Variants in TMC1 observed in about 807,000 individuals in gnomAD.
TMC1 encodes the protein transmembrane channel-like protein 1.
In TMC1, 84 loss-of-function variants were observed where a neutral mutation model predicts 105.8. That is an observed-to-expected ratio of 0.79 (90% confidence interval 0.67 to 0.95). TMC1 has a LOEUF of 0.95. TMC1 is among the 40% of genes least tolerant of loss of function. TMC1 has a pLI of 0.00. For synonymous variants in TMC1, 315 were observed against 311.5 expected, an observed-to-expected ratio of 1.01 and a Z score of -0.12; for missense variants, 817 against 914.1, an observed-to-expected ratio of 0.89 and a Z score of 1.37.
intron 2 of TMC1, among the ~76,000 whole-genome samples, chr9:72,612,404 G>A (rs921938844): frequency 5.3e-5 from 8 of 151,756 alleles, no homozygotes; most frequent in Admixed American, 5.3e-4. Flanking sequence ...GAACTCCTGG[G>A]CTCAAGCAAT....
intron 8 of TMC1, among the ~76,000 whole-genome samples, chr9:72,729,635 T>C (rs1448516981): frequency 5.9e-5 from 9 of 152,098 alleles, no homozygotes; most frequent in Non-Finnish European, 1.2e-4. Context: ...AATTTAAGAG[T>C]TCTTTACCTC....
Position 72,835,163 on chromosome 9 carries a change from T to C in TMC1, c.2261-788T>C, listed in dbSNP as rs117442208. ...ATCTTCCTCCCCAACCCCCTCAAAA[T>C]TTCTTGACTGTCATGTTTGTGAAAG... is the stretch of plus-strand genomic sequence containing the variant. On this transcript the variant is annotated intron_variant, in intron 23 of 23. Transcript: ENST00000297784. Among the ~76,000 whole-genome samples the C allele has an allele frequency of 3.9e-4, 60 of 152,158 alleles. No individual in the cohort carries two copies. In the East Asian group the frequency reaches 0.011, roughly 28 times the overall value.
intron 1 of TMC1, among the ~76,000 whole-genome samples, chr9:72,572,833 A>G (rs1308697693): frequency 1.3e-5 from 2 of 152,026 alleles, no homozygotes; most frequent in Non-Finnish European, 2.9e-5. Flanking sequence ...CTCTACTAAA[A>G]GTAGAAAAAT....
chr9:72,757,612 GC>G (rs1827693779), intron 12 of TMC1, among the ~76,000 whole-genome samples: 1 of 152,180 alleles, frequency 6.6e-6, no homozygotes, highest in Non-Finnish European at 1.5e-5. Flanking sequence ...TGTACATATA[GC>G]CTGAAAGTGA....
chr9:72,766,001 A>G (rs536068965), intron 12 of TMC1, among the ~76,000 whole-genome samples: 2 of 152,344 alleles, frequency 1.3e-5, no homozygotes, highest in South Asian at 2.1e-4. Flanking sequence ...ATCCTGCCAC[A>G]TACGACCTAT....
At chr9:72,757,267 C>T (rs550478513) in intron 12 of TMC1, among the ~76,000 whole-genome samples, 12 of 152,300 alleles carry the variant, frequency 7.9e-5, no homozygotes, top group African/African-American at 2.6e-4. Context: ...ATGCAGTGAA[C>T]TGTGATTGGT....
chr9:72,533,013 A>G (rs559896982), intron 1 of TMC1, among the ~76,000 whole-genome samples: 134 of 152,334 alleles, frequency 8.8e-4, no homozygotes, highest in African/African-American at 3.2e-3. Flanking sequence ...CCATAAAATG[A>G]TGGCTTAGCA....
chr9:72,758,821 A>C (rs1442838433), intron 12 of TMC1, among the ~76,000 whole-genome samples: 1 of 152,180 alleles, frequency 6.6e-6, no homozygotes. Context: ...TTTGTGAATA[A>C]TACCAAAATT....
At chr9:72,760,893 C>T (rs773320862) in intron 12 of TMC1, among the ~76,000 whole-genome samples, 7 of 152,096 alleles carry the variant, frequency 4.6e-5, no homozygotes, top group Non-Finnish European at 8.8e-5. Context: ...CCCATGAAAG[C>T]GCAGTGCTCT....
intron 12 of TMC1, among the ~76,000 whole-genome samples, chr9:72,757,660 C>CA (rs1325956772): frequency 6.6e-6 from 1 of 152,136 alleles, no homozygotes; most frequent in Non-Finnish European, 1.5e-5. Flanking sequence ...GTTCATGAAA[C>CA]AAAGATTTGA....
intron 8 of TMC1, among the ~76,000 whole-genome samples, chr9:72,739,153 T>C (rs1421065331): frequency 1.3e-5 from 2 of 152,228 alleles, no homozygotes; most frequent in Non-Finnish European, 2.9e-5. Flanking sequence ...ATGGTCGGGC[T>C]CTGGCAAGGG....
rs536315999 is a variant in TMC1, at chr9:72,627,720, G to A, written c.-195-201G>A. Among the ~76,000 whole-genome samples, 49 of 152,238 alleles carry A rather than the reference G, an allele frequency of 3.2e-4. No homozygotes were observed. The East Asian group carries it at 6.8e-3, about 21-fold the overall frequency. On this transcript the variant is annotated intron_variant, in intron 3 of 23. Transcript: ENST00000297784. ...AATTAACAGATTTGGAAGAGGCCAC[G>A]TAGCATGCATTTGAAACTCCTGTTG...
At chr9:72,763,320 C>G (rs1450850745) in intron 12 of TMC1, among the ~76,000 whole-genome samples, 1 of 151,984 alleles carries the variant, frequency 6.6e-6, no homozygotes, top group Non-Finnish European at 1.5e-5. Flanking sequence ...TGCCAGGTGC[C>G]AGGCATTAAG....
chr9:72,639,982 T>G (rs1486106930), intron 4 of TMC1, among the ~76,000 whole-genome samples: 1 of 152,224 alleles, frequency 6.6e-6, no homozygotes, highest in Non-Finnish European at 1.5e-5. Flanking sequence ...CATAGCCTAA[T>G]TCAAAAGCAT....
chr9:72,652,695 C>G (rs1440711050), intron 5 of TMC1, among the ~76,000 whole-genome samples: 1 of 152,162 alleles, frequency 6.6e-6, no homozygotes, highest in Non-Finnish European at 1.5e-5. Flanking sequence ...CTGTCTTTGT[C>G]TCATCATAAT....
At chr9:72,783,727 A>G (rs1828128018) in intron 13 of TMC1, among the ~76,000 whole-genome samples, 1 of 152,212 alleles carries the variant, frequency 6.6e-6, no homozygotes, top group Non-Finnish European at 1.5e-5. Context: ...GAATCTAGAA[A>G]TAAAGCTGCA....
intron 1 of TMC1, among the ~76,000 whole-genome samples, chr9:72,557,940 G>GA (rs1375427185): frequency 6.6e-6 from 1 of 152,156 alleles, no homozygotes; most frequent in Non-Finnish European, 1.5e-5. Flanking sequence ...GGTCAGTGTG[G>GA]AAGGCTTCAG....
At chr9:72,674,624 G>T (rs1164878394) in intron 5 of TMC1, among the ~76,000 whole-genome samples, 3 of 152,230 alleles carry the variant, frequency 2.0e-5, no homozygotes, top group African/African-American at 7.2e-5. Flanking sequence ...TACTGAACCA[G>T]AATCTCTGTG....
intron 2 of TMC1, among the ~76,000 whole-genome samples, chr9:72,579,545 C>A (rs1264372744): frequency 1.3e-5 from 2 of 152,184 alleles, no homozygotes; most frequent in Non-Finnish European, 2.9e-5. Context: ...AGACACACAG[C>A]CCCCTCCCCT....
Sources: allele counts gnomAD v4.1 joint callset (sites outside exome capture counted in the v4.1 genomes callset), GRCh38; gene constraint gnomAD v4.1.1; transcripts MANE v1.5; gene names NCBI Gene and HGNC (gene_info 2026-07-23, HGNC 2026-07-21).